Variants in RIMS2 observed in about 807,000 individuals in gnomAD.
RIMS2 encodes regulating synaptic membrane exocytosis protein 2.
Under a neutral mutation model 174.4 loss-of-function variants are expected in RIMS2, and 59 were observed. The observed-to-expected ratio is 0.34, with a 90% CI of 0.27 to 0.42. RIMS2 has a LOEUF of 0.42. Ranked by LOEUF, RIMS2 falls within the 10% of genes least tolerant of loss-of-function variation. The probability of loss-of-function intolerance (pLI) is 1.00; values close to 1 mark genes in which losing one functional copy is unlikely to be tolerated. For missense variants in RIMS2, 1,620 were observed against 1,666.3 expected, an observed-to-expected ratio of 0.97 and a Z score of 0.48; for synonymous variants, 606 against 572.5, an observed-to-expected ratio of 1.06 and a Z score of -0.84.
intron 17 of RIMS2, among the ~76,000 whole-genome samples, chr8:104,005,053 T>C (rs150023033): frequency 1.3e-5 from 2 of 152,238 alleles, no homozygotes; most frequent in African/African-American, 4.8e-5. Context: ...CAGGAATTGG[T>C]GGGACTGATG....
chr8:103,598,199 T>C (rs1352201441), intron 1 of RIMS2, among the ~76,000 whole-genome samples: 2 of 152,164 alleles, frequency 1.3e-5, no homozygotes, highest in African/African-American at 4.8e-5. Flanking sequence ...TTAAATTCCA[T>C]CACAACTTTT....
chr8:103,746,635 G>A (rs1476629621), intron 2 of RIMS2, among the ~76,000 whole-genome samples: 1 of 151,788 alleles, frequency 6.6e-6, no homozygotes, highest in Non-Finnish European at 1.5e-5. Context: ...CACAGTGTGT[G>A]TGTTGTTCTC....
intron 3 of RIMS2, among the ~76,000 whole-genome samples, chr8:103,834,742 T>TTCTTTCTTTCTCTCTCTCTCTC (rs1406395709): frequency 3.7e-5 from 4 of 109,586 alleles, no homozygotes; most frequent in African/African-American, 1.7e-4. Context: ...CTTTCTTTCT[T>TTCTTTCTTTCTCTCTCTCTCTC]TCTCTCTCTT....
At chr8:103,730,590 C>T (rs2097579475) in intron 2 of RIMS2, among the ~76,000 whole-genome samples, 1 of 152,068 alleles carries the variant, frequency 6.6e-6, no homozygotes, top group Non-Finnish European at 1.5e-5. Context: ...ATCTTTTGGT[C>T]TTTCTACTCA....
chr8:103,576,574 C>T lies in RIMS2; in HGVS notation c.176+75512C>T, dbSNP rs2093256165. Among the ~76,000 whole-genome samples, 6 of 152,044 alleles carry T rather than the reference C, an allele frequency of 3.9e-5. No homozygotes were observed. The South Asian group carries it at 1.2e-3, about 32-fold the overall frequency. The stretch of plus-strand genomic sequence containing the variant: ...CAGTTTTAAGGAATCTAAATGATCT[C>T]CAAGATAACATATAAAAACAAAAAA... On this transcript the variant is annotated intron_variant, in intron 1 of 23. Coordinates refer to ENST00000504942, the Ensembl canonical transcript of RIMS2.
intron 19 of RIMS2, among the ~76,000 whole-genome samples, chr8:104,057,069 T>C (rs1349916318): frequency 1.3e-4 from 19 of 150,192 alleles, no homozygotes; most frequent in East Asian, 1.2e-3. Flanking sequence ...TTTTCTTTTT[T>C]TTTTTTTTTT....
intron 17 of RIMS2, among the ~76,000 whole-genome samples, chr8:104,011,221 T>G (rs1054180312): frequency 7.2e-5 from 11 of 152,142 alleles, no homozygotes; most frequent in Admixed American, 6.6e-5. Context: ...TTCTCTTATG[T>G]GCTGTCAAAG....
chr8:103,999,290 G>A (rs2095282139), intron 17 of RIMS2, among the ~76,000 whole-genome samples: 1 of 151,692 alleles, frequency 6.6e-6, no homozygotes, highest in South Asian at 2.1e-4. Flanking sequence ...GGAAACATAA[G>A]AGGTAATAGC....
chr8:103,577,957 A>T (rs2093362240), intron 1 of RIMS2, among the ~76,000 whole-genome samples: 1 of 152,198 alleles, frequency 6.6e-6, no homozygotes, highest in Admixed American at 6.5e-5. Flanking sequence ...AAAGGAATGA[A>T]GATCATCTAC....
chr8:103,534,890 C>T (rs977308321), intron 1 of RIMS2, among the ~76,000 whole-genome samples: 2 of 152,134 alleles, frequency 1.3e-5, no homozygotes, highest in African/African-American at 2.4e-5. Flanking sequence ...TGGCACTTTA[C>T]AGGAAAAAAA....
chr8:103,652,603 A>G (rs1242552596), intron 1 of RIMS2, 21 bp from the exon 3 acceptor site: 8 of 1,264,230 alleles, frequency 6.3e-6, no homozygotes, highest in Non-Finnish European at 6.3e-6. Flanking sequence ...ATTCAGTCAC[A>G]TTATTTGCTT....
intron 19 of RIMS2, among the ~76,000 whole-genome samples, chr8:104,170,757 G>C (rs1000500556): frequency 6.6e-6 from 1 of 151,886 alleles, no homozygotes; most frequent in Non-Finnish European, 1.5e-5. Context: ...GGTCCTGTGA[G>C]ATTTATGATT....
chr8:104,012,907 T>C (rs1177630601), intron 17 of RIMS2, among the ~76,000 whole-genome samples: 1 of 152,174 alleles, frequency 6.6e-6, no homozygotes. Flanking sequence ...TTCTTGTGGA[T>C]CAGGTTTAAA....
intron 16 of RIMS2, among the ~76,000 whole-genome samples, chr8:103,978,105 A>G (rs72683114): frequency 0.13 from 19,333 of 152,254 alleles, 1,703 homozygotes; most frequent in Non-Finnish European, 0.19. Context: ...GTGATCAGTA[A>G]CAAAAGACAT....
exon 8 of RIMS2, chr8:103,916,500 G>A (rs1348072430): frequency 6.2e-7 from 1 of 1,611,452 alleles, no homozygotes. Context: ...ATCCAAACCT[G>A]AACCACAAGT....
chr8:103,920,409 A>G (rs2077384730), intron 9 of RIMS2, among the ~76,000 whole-genome samples: 1 of 152,090 alleles, frequency 6.6e-6, no homozygotes, highest in African/African-American at 2.4e-5. Context: ...CAACAACAAC[A>G]ACAAAAAAAA....
At chr8:104,162,596 T>C (rs939009738) in intron 19 of RIMS2, among the ~76,000 whole-genome samples, 9 of 152,124 alleles carry the variant, frequency 5.9e-5, no homozygotes, top group African/African-American at 2.2e-4. Flanking sequence ...TAATTAGCTT[T>C]TTTCATATTA....
intron 1 of RIMS2, among the ~76,000 whole-genome samples, chr8:103,507,227 T>C (rs1403798358): frequency 6.6e-6 from 1 of 152,096 alleles, no homozygotes; most frequent in African/African-American, 2.4e-5. Context: ...AGAGCTCTTT[T>C]CTGACCACTC....
intron 1 of RIMS2, among the ~76,000 whole-genome samples, chr8:103,562,596 G>A (rs2091764174): frequency 6.6e-6 from 1 of 152,170 alleles, no homozygotes; most frequent in South Asian, 2.1e-4. Flanking sequence ...AGTGTCTGCG[G>A]CTTTTCCAGG....
Sources: allele counts gnomAD v4.1 joint callset (sites outside exome capture counted in the v4.1 genomes callset), GRCh38; gene constraint gnomAD v4.1.1; transcripts MANE v1.5; gene names NCBI Gene and HGNC (gene_info 2026-07-23, HGNC 2026-07-21).